STK3: variants seen among roughly 807,000 people sequenced by gnomAD.
The protein encoded by STK3 is serine/threonine-protein kinase 3.
STK3 carries 41 observed loss-of-function variants against 58.0 expected under a neutral mutation model. The observed-to-expected ratio is 0.71, with a 90% CI of 0.55 to 0.92. The LOEUF is 0.92. Ranked by LOEUF, STK3 falls within the 40% of genes least tolerant of loss-of-function variation. STK3 has a pLI of 0.00. For synonymous variants in STK3, 170 were observed against 191.0 expected (o/e 0.89, Z 0.91); for missense variants, 479 against 602.7 (o/e 0.79, Z 2.15).
intron 1 of STK3, among the ~76,000 whole-genome samples, chr8:98,803,526 G>A (rs983689576): frequency 8.7e-5 from 13 of 149,478 alleles, no homozygotes; most frequent in East Asian, 3.9e-4. Context: ...CCCAGGAGGC[G>A]GAGCTTGCAG....
At chr8:98,637,153 C>CA (rs1380974842) in intron 6 of STK3, among the ~76,000 whole-genome samples, 1 of 150,852 alleles carries the variant, frequency 6.6e-6, no homozygotes, top group African/African-American at 2.4e-5. Flanking sequence ...CCTAAAAGTC[C>CA]AAATACTGAT....
downstream of STK3, among the ~76,000 whole-genome samples, chr8:98,450,490 G>A (rs1819150225): frequency 6.6e-6 from 1 of 152,186 alleles, no homozygotes; most frequent in South Asian, 2.1e-4. Flanking sequence ...GACAACAAAA[G>A]TGCAAAAGAA....
At position 98,759,243 on chromosome 8, in the gene STK3, G is replaced by A. The variant is rs577774864; in HGVS notation, c.236+8000C>T. Among the ~76,000 whole-genome samples the A allele has an allele frequency of 6.6e-5, 10 of 152,270 alleles. 1 individual carries two copies. The highest frequency in any genetic ancestry group is 2.4e-4 in the African/African-American group (10 of 41,530). On this transcript the variant is annotated intron_variant, in intron 3 of 10. Coordinates refer to ENST00000419617, the MANE Select transcript of STK3 (RefSeq NM_006281.4). ...CTTTTTTATTTAAAGTGAGAGTTGT[G>A]TGACTCTCCCTTTCACTTGAACCCT...
At chr8:98,448,740 T>C (rs947546721) in intron 1 of STK3, among the ~76,000 whole-genome samples, 1 of 152,190 alleles carries the variant, frequency 6.6e-6, no homozygotes, top group Non-Finnish European at 1.5e-5. Context: ...TGCTCTCTCA[T>C]AAAATGACAT....
intron 8 of STK3, among the ~76,000 whole-genome samples, chr8:98,552,786 CACCT>C (rs775136461): frequency 6.6e-6 from 1 of 152,112 alleles, no homozygotes; most frequent in Non-Finnish European, 1.5e-5. Flanking sequence ...ATTATTAAAA[CACCT>C]AGCATACAGT....
At chr8:98,542,506 A>G (rs1414461676) in intron 9 of STK3, among the ~76,000 whole-genome samples, 2 of 152,180 alleles carry the variant, frequency 1.3e-5, no homozygotes, top group Non-Finnish European at 2.9e-5. Flanking sequence ...TTACTAAAAA[A>G]AAGAGAGATG....
intron 10 of STK3, among the ~76,000 whole-genome samples, chr8:98,473,959 A>G (rs1419986320): frequency 6.6e-6 from 1 of 152,274 alleles, no homozygotes; most frequent in East Asian, 1.9e-4. Context: ...TAGCAATTCT[A>G]TTAGATGTCT....
At chr8:98,738,378 C>T (rs1014234110) in intron 4 of STK3, among the ~76,000 whole-genome samples, 1 of 152,058 alleles carries the variant, frequency 6.6e-6, no homozygotes, top group Admixed American at 6.6e-5. Context: ...GAGGATGAGG[C>T]ACAAGAATCA....
intron 1 of STK3, among the ~76,000 whole-genome samples, chr8:98,932,531 T>C (rs1417870313): frequency 6.6e-6 from 1 of 152,134 alleles, no homozygotes; most frequent in Non-Finnish European, 1.5e-5. Flanking sequence ...TAGGAAGCCA[T>C]TGTAGGTGTT....
chr8:98,855,538 G>A (rs990393560), intron 3 of STK3, among the ~76,000 whole-genome samples: 1 of 152,080 alleles, frequency 6.6e-6, no homozygotes. Flanking sequence ...CATAATAGAA[G>A]AGCAAAAACT....
At position 98,700,241 on chromosome 8, in the gene STK3, C is replaced by T. The variant is rs187718521; in HGVS notation, c.684+6226G>A. Among the ~76,000 whole-genome samples, 1,402 of 152,264 alleles carry T rather than the reference C, an allele frequency of 9.2e-3. 17 individuals are homozygous for T. The highest frequency in any genetic ancestry group is 0.032 in the African/African-American group (1,323 of 41,534). ...GAAAAGCGCAGTATTAGGGTGGGAG[C>T]GACCCGATTTTCCAGGTGCCGTCTG... On this transcript the variant is annotated intron_variant, in intron 6 of 10. Transcript: ENST00000419617.
At chr8:98,794,678 C>T (rs1381005433) in intron 1 of STK3, among the ~76,000 whole-genome samples, 2 of 152,070 alleles carry the variant, frequency 1.3e-5, no homozygotes, top group Non-Finnish European at 1.5e-5. Context: ...GATGCATCAC[C>T]CTGATACGAA....
intron 9 of STK3, among the ~76,000 whole-genome samples, chr8:98,539,651 T>C (rs1312506544): frequency 6.6e-6 from 1 of 152,246 alleles, no homozygotes. Context: ...GTATATTTAG[T>C]AAATATTATT....
intron 3 of STK3, among the ~76,000 whole-genome samples, chr8:98,840,382 G>A (rs1195288320): frequency 2.1e-5 from 3 of 144,014 alleles, no homozygotes; most frequent in Non-Finnish European, 3.0e-5. Context: ...GACCAGCCTC[G>A]GCAACATGGT....
At chr8:98,536,535 CTCT>C (rs1260888694) in intron 9 of STK3, among the ~76,000 whole-genome samples, 2 of 151,966 alleles carry the variant, frequency 1.3e-5, no homozygotes, top group Admixed American at 1.3e-4. Flanking sequence ...CTGTTTTTTG[CTCT>C]TTTCTACTGC....
At chr8:98,707,759 A>G (rs953798772) in intron 4 of STK3, among the ~76,000 whole-genome samples, 2 of 152,104 alleles carry the variant, frequency 1.3e-5, no homozygotes, top group Non-Finnish European at 2.9e-5. Flanking sequence ...TAAAGGGGTA[A>G]ATAATCGAGA....
At position 98,865,219 on chromosome 8, in the gene STK3, G is replaced by A. The variant is rs534390089; in HGVS notation, c.110+18428C>T. Among the ~76,000 whole-genome samples, 229 of 152,290 alleles carry A rather than the reference G, an allele frequency of 1.5e-3. 1 individual carries two copies. Among genetic ancestry groups the A allele is most frequent in the Non-Finnish European group, 2.8e-3 (191 of 68,018 alleles). ...CAGACAGGGCAACATAGTAAGACCT[G>A]TCTCTACAAAAACTTTCTTAACAAT... On this transcript the variant is annotated intron_variant, in intron 3 of 12. Transcript: ENST00000523601.
intron 3 of STK3, among the ~76,000 whole-genome samples, chr8:98,863,490 A>G (rs1837009530): frequency 6.6e-6 from 1 of 152,162 alleles, no homozygotes; most frequent in South Asian, 2.1e-4. Flanking sequence ...GAATTCATAA[A>G]CACACACATG....
chr8:98,350,568 C>A, the STK3 span, among the ~76,000 whole-genome samples: 2 of 152,110 alleles, frequency 1.3e-5, no homozygotes, highest in South Asian at 2.1e-4. Flanking sequence ...TAAAGACATA[C>A]CTGAGACTGG....
Sources: gnomAD v4.1 joint callset for allele counts (sites outside exome capture counted in the v4.1 genomes callset) on GRCh38, gnomAD v4.1.1 for gene constraint, MANE v1.5 for transcripts, NCBI Gene and HGNC (gene_info 2026-07-23, HGNC 2026-07-21) for gene names.